CDK14: variants seen among roughly 807,000 people sequenced by gnomAD.
CDK14 encodes the protein cyclin-dependent kinase 14.
A neutral mutation model predicts 60.7 loss-of-function variants in CDK14; 34 were observed. The ratio of observed to expected loss-of-function variants is 0.56; its 90% CI spans 0.43 to 0.75. The LOEUF (loss-of-function observed/expected upper bound fraction) is 0.75, where lower values mean the gene tolerates loss of function less well. Among genes scored for constraint, CDK14 ranks in the 30% least tolerant of loss-of-function variants. CDK14 has a pLI of 0.00. For missense variants in CDK14, 482 were observed against 564.1 expected, an observed-to-expected ratio of 0.85 and a Z score of 1.47; for synonymous variants, 197 against 203.7, an observed-to-expected ratio of 0.97 and a Z score of 0.28.
rs1488801494 is a variant in CDK14 at position 90,847,507 on chromosome 7, G to C, written c.545-15668G>C. 3.9e-5 allele frequency among the ~76,000 whole-genome samples: 6 copies of C among 152,140 alleles called. 1 individual carries two copies. The highest frequency in any genetic ancestry group is 3.9e-4 in the Admixed American group (6 of 15,276). ...AATCTACCCATACTTTATCCCCTGAGCTCTGTTTTCTTCCACATGGGTAAT... is the reference window on the plus strand; with the variant it reads ...AATCTACCCATACTTTATCCCCTGACCTCTGTTTTCTTCCACATGGGTAAT... On this transcript the variant is annotated intron_variant, in intron 5 of 14. Coordinates refer to ENST00000380050, the MANE Select transcript of CDK14 (RefSeq NM_001287135.2).
rs182808770 is a variant in CDK14, at chr7:91,159,529, G to A, written c.*28+41321G>A. On this transcript the variant is annotated intron_variant, in intron 14 of 14. Transcript: ENST00000380050. ...TAGATCTAATTATCAATTACCCATAGCCAATTATTCAAGGTCCATATTATC... is the reference window on the plus strand; with the variant it reads ...TAGATCTAATTATCAATTACCCATAACCAATTATTCAAGGTCCATATTATC... Among the ~76,000 whole-genome samples the A allele has an allele frequency of 7.2e-5, 11 of 152,310 alleles. No individual in the cohort carries two copies. In the East Asian group the frequency reaches 2.1e-3, roughly 29 times the overall value.
chr7:90,971,070 C>T (rs62468483), intron 9 of CDK14, among the ~76,000 whole-genome samples: 6,177 of 151,970 alleles, frequency 0.041, 153 homozygotes, highest in South Asian at 0.071. Context: ...CATCCCTCCC[C>T]GCTCCCCCCA....
Position 90,757,236 on chromosome 7 carries a change from GTGTGTGTGTGTGTGTC to G in CDK14, c.464+9471_464+9486del, listed in dbSNP as rs1180335464. On this transcript the variant is annotated intron_variant, in intron 4 of 14. Transcript: ENST00000380050. ...TGTGTGTGTGTGTGTGTGTGTGTGT[GTGTGTGTGTGTGTGTC>G]TGTGTGTGTCTGTGTCCAAGTTTTC... 6.4e-3 allele frequency among the ~76,000 whole-genome samples: 945 copies of G among 147,484 alleles called. 33 individuals carry two copies. Among genetic ancestry groups the G allele is most frequent in the East Asian group, 0.048 (178 of 3,730 alleles).
chr7:90,870,351 G>C (rs1267850932), intron 6 of CDK14, among the ~76,000 whole-genome samples: 1 of 152,184 alleles, frequency 6.6e-6, no homozygotes, highest in East Asian at 1.9e-4. Flanking sequence ...GAGGGTGGAG[G>C]CTGGGAGAAG....
intron 14 of CDK14, among the ~76,000 whole-genome samples, chr7:91,136,156 C>T (rs1396582441): frequency 4.6e-5 from 7 of 152,172 alleles, no homozygotes; most frequent in African/African-American, 1.7e-4. Flanking sequence ...TGTCTTAGCA[C>T]CCGACCAGCC....
intron 5 of CDK14, among the ~76,000 whole-genome samples, chr7:90,854,096 A>G (rs1790741534): frequency 6.6e-6 from 1 of 152,164 alleles, no homozygotes; most frequent in African/African-American, 2.4e-5. Context: ...AGCCATGGCA[A>G]AGGAGATGTT....
At chr7:91,058,940 C>T (rs530873341) in intron 11 of CDK14, among the ~76,000 whole-genome samples, 192 of 152,268 alleles carry the variant, frequency 1.3e-3, no homozygotes, top group Non-Finnish European at 2.3e-3. Context: ...GGGAGGATTT[C>T]CTCTTTTTCT....
chr7:90,836,622 C>T (rs755427751), intron 5 of CDK14, among the ~76,000 whole-genome samples: 3 of 152,124 alleles, frequency 2.0e-5, no homozygotes, highest in Non-Finnish European at 4.4e-5. Flanking sequence ...TAAAGGCATA[C>T]ACTAACATAA....
chr7:90,968,461 A>G (rs1794821135), intron 9 of CDK14, among the ~76,000 whole-genome samples: 1 of 152,156 alleles, frequency 6.6e-6, no homozygotes, highest in South Asian at 2.1e-4. Flanking sequence ...TCCTACACCC[A>G]TGTGGGTTGC....
At chr7:90,943,524 A>G (rs1793997661) in intron 8 of CDK14, among the ~76,000 whole-genome samples, 1 of 152,176 alleles carries the variant, frequency 6.6e-6, no homozygotes, top group Non-Finnish European at 1.5e-5. Context: ...TAGTCAGGAA[A>G]GTGGCTCCCT....
chr7:90,843,789 G>T (rs545404069), intron 5 of CDK14, among the ~76,000 whole-genome samples: 3 of 152,266 alleles, frequency 2.0e-5, no homozygotes, highest in African/African-American at 7.2e-5. Context: ...AAGGCATGCT[G>T]TAGGGAAGGT....
chr7:91,056,978 T>C (rs975953972), intron 11 of CDK14, among the ~76,000 whole-genome samples: 13 of 152,124 alleles, frequency 8.5e-5, no homozygotes, highest in South Asian at 4.2e-4. Context: ...CCTGAGGAAT[T>C]GCCACACTGA....
chr7:90,743,899 T>C (rs544760066), intron 3 of CDK14, among the ~76,000 whole-genome samples: 18 of 152,152 alleles, frequency 1.2e-4, no homozygotes, highest in Admixed American at 5.9e-4. Flanking sequence ...ATTGCTAGAT[T>C]TTCTTTGTTT....
At chr7:91,042,937 T>C (rs1229403321) in intron 10 of CDK14, among the ~76,000 whole-genome samples, 1 of 152,194 alleles carries the variant, frequency 6.6e-6, no homozygotes, top group African/African-American at 2.4e-5. Context: ...AAACAATTTT[T>C]TCCAAAATGG....
At chr7:90,766,145 T>C (rs773764775) in intron 4 of CDK14, among the ~76,000 whole-genome samples, 1 of 152,208 alleles carries the variant, frequency 6.6e-6, no homozygotes, top group Admixed American at 6.5e-5. Flanking sequence ...GTTTTTCTTC[T>C]TTGCTCCATT....
chr7:90,824,010 A>G (rs1789636497), intron 5 of CDK14, among the ~76,000 whole-genome samples: 1 of 152,200 alleles, frequency 6.6e-6, no homozygotes, highest in Non-Finnish European at 1.5e-5. Context: ...TTATGGCCAT[A>G]TGTTGGTAAG....
intron 11 of CDK14, among the ~76,000 whole-genome samples, chr7:91,062,148 A>G (rs1269551757): frequency 6.6e-6 from 1 of 151,888 alleles, no homozygotes; most frequent in Non-Finnish European, 1.5e-5. Flanking sequence ...TTGATTTCAG[A>G]CTGCTGTGCT....
Position 91,208,034 on chromosome 7 carries a change from C to T in CDK14, c.*898C>T, listed in dbSNP as rs141408927. On this transcript the variant is annotated 3_prime_UTR_variant, in exon 15 of 15. Transcript: ENST00000380050. The stretch of plus-strand genomic sequence containing the variant: ...ATGTTTTAAATCTGGTGCAAAAGAA[C>T]TATATCTGCTGGATGAGCCTTGAAA... 4.6e-5 allele frequency: 7 copies of T among 152,550 alleles called. No individual in the cohort carries two copies. Among genetic ancestry groups the T allele is most frequent in the African/African-American group, 1.4e-4 (6 of 41,420 alleles). The allele number at this position is 152,550 out of a possible 1,614,324, so 9.4% of individuals were successfully genotyped here.
At chr7:90,811,264 C>G in intron 5 of CDK14, among the ~76,000 whole-genome samples, 1 of 152,024 alleles carries the variant, frequency 6.6e-6, no homozygotes, top group East Asian at 1.9e-4. Flanking sequence ...GGTACCAAAA[C>G]AGAGATATAG....
Sources: gnomAD v4.1 joint callset for allele counts (sites outside exome capture counted in the v4.1 genomes callset) on GRCh38, gnomAD v4.1.1 for gene constraint, MANE v1.5 for transcripts, NCBI Gene and HGNC (gene_info 2026-07-23, HGNC 2026-07-21) for gene names.